FADS3: variants seen among roughly 807,000 people sequenced by gnomAD.
FADS3 encodes fatty acid desaturase 3, also known as cytochrome b5-related protein.
In FADS3, 30 loss-of-function variants were observed where a neutral mutation model predicts 60.4. That is an observed-to-expected ratio of 0.50 (90% CI 0.37 to 0.67). FADS3 has a LOEUF of 0.67. Ranked by LOEUF, FADS3 falls within the 30% of genes least tolerant of loss-of-function variation. The pLI is 0.00. For synonymous variants in FADS3, 234 were observed against 249.3 expected (o/e 0.94, Z 0.58); for missense variants, 432 against 598.3 (o/e 0.72, Z 2.90).
In FADS3 at chr11:61,877,855, T is replaced by C; in HGVS notation, c.809-268A>G. 1.7e-6 allele frequency: 1 copy of C among 593,410 alleles called. No individual in the cohort carries two copies. Among genetic ancestry groups the C allele is most frequent in the Non-Finnish European group, 3.0e-6 (1 of 332,352 alleles). The allele number at this position is 593,410 out of a possible 1,614,324, so 36.8% of individuals were successfully genotyped here. A position where few individuals can be genotyped will look rare whatever the true frequency, so the allele number is the denominator to read the frequency against. ...CGCCCCAACAACTGCCCAAAGACTCTAGGGCTCCGGACCACTCTAGTGAGG... is the reference window on the plus strand; with the variant it reads ...CGCCCCAACAACTGCCCAAAGACTCCAGGGCTCCGGACCACTCTAGTGAGG... On this transcript the variant is annotated intron_variant, in intron 6 of 11. Transcript: ENST00000278829. The surrounding 1 kb of genome is among the most constrained non-coding windows in gnomAD (Gnocchi z 4.7).
At chr11:61,875,475 C>T (rs1410622288) in intron 11 of FADS3, among the ~76,000 whole-genome samples, 1 of 151,188 alleles carries the variant, frequency 6.6e-6, no homozygotes, top group Non-Finnish European at 1.5e-5. Context: ...TCAAGTGATC[C>T]GCCCACCTCA....
At chr11:61,881,592 A>T (rs1008217297) in intron 1 of FADS3, 1 of 152,226 alleles carries the variant, frequency 6.6e-6, no homozygotes, top group African/African-American at 2.4e-5. Flanking sequence ...ACACCTTTGA[A>T]GAAAGCTGAC....
rs547489238 is a variant in FADS3 at position 61,891,534 on chromosome 11, G to A, written c.-153C>T. 4.1e-5 allele frequency: 17 copies of A among 413,472 alleles called. No homozygotes were observed. Among genetic ancestry groups the A allele is most frequent in the South Asian group, 1.1e-4 (1 of 8,728 alleles). The allele number at this position is 413,472 out of a possible 1,614,324, so 25.6% of individuals were successfully genotyped here. A position where few individuals can be genotyped will look rare whatever the true frequency, so the allele number is the denominator to read the frequency against. On this transcript the variant is annotated 5_prime_UTR_variant, in exon 1 of 12. Transcript: ENST00000278829. ...GCGGCCGCCGTACGAGCGAGCGTGC[G>A]CCTCCCGGCTCGCGGCGCAGGGAAC...
At chr11:61,884,731 G>C (rs6591667) in intron 1 of FADS3, among the ~76,000 whole-genome samples, 147,099 of 152,248 alleles carry the variant, frequency 0.97, 71,272 homozygotes, top group East Asian at 1. Context: ...CCACCCAGGG[G>C]TACGTGCACA....
intron 1 of FADS3, among the ~76,000 whole-genome samples, chr11:61,883,969 T>A (rs1938224200): frequency 6.6e-6 from 1 of 152,168 alleles, no homozygotes; most frequent in Non-Finnish European, 1.5e-5. Context: ...CAGGCTGGGC[T>A]CTCAGAGCTG....
chr11:61,879,175 A>C (rs1050342341), intron 3 of FADS3, 137 bp downstream of exon 3: 4 of 819,020 alleles, frequency 4.9e-6, no homozygotes, highest in Non-Finnish European at 7.7e-6. Context: ...CTGTTCACTC[A>C]TTCATCTGTT....
In FADS3 at chr11:61,875,852, T is replaced by C; in HGVS notation, c.1285A>G (p.Arg429Gly). 7 of 1,612,232 alleles carry C rather than the reference T, an allele frequency of 4.3e-6. No homozygotes were observed. In the South Asian group the frequency reaches 6.6e-5, roughly 15 times the overall value. ...AGAGGGGCCGGGCTGCAGCCTCACC[T>C]GACGATGTCCACCAGCGCGGTGAGG... ...PFLTALVDIVRSLKKSGDIWL... is the reference protein window; with the variant it reads ...PFLTALVDIVGSLKKSGDIWL... The change falls in exon 11 of 12, where the codon AGG (arginine) becomes GGG (glycine). Residue 429 changes from arginine (R) to glycine (G), a missense_variant and splice_region_variant. By Grantham distance (125) the Arg-to-Gly change is moderately radical. Around this residue, in one of 5 missense-constraint regions of FADS3, gnomAD observed 63 missense variants for 64.5 expected, o/e 0.98. Coordinates refer to ENST00000278829, the MANE Select transcript of FADS3 (RefSeq NM_021727.5).
chr11:61,875,585 A>G (rs939418853), intron 11 of FADS3, among the ~76,000 whole-genome samples: 1 of 151,988 alleles, frequency 6.6e-6, no homozygotes, highest in African/African-American at 2.4e-5. Flanking sequence ...CTTCTGAGAA[A>G]CTGGATCTGT....
chr11:61,886,541 C>T (rs1938324920), intron 1 of FADS3, among the ~76,000 whole-genome samples: 1 of 152,014 alleles, frequency 6.6e-6, no homozygotes, highest in Non-Finnish European at 1.5e-5. Context: ...TCTGGAGCCA[C>T]CCCCCAACCA....
At chr11:61,890,379 C>T (rs1938461326) in intron 1 of FADS3, 4 of 152,306 alleles carry the variant, frequency 2.6e-5, no homozygotes, top group Non-Finnish European at 4.4e-5. Context: ...TCTTGAAGAC[C>T]TTCCTGATAC....
chr11:61,874,890 T>C (rs1937811844), intron 11 of FADS3, among the ~76,000 whole-genome samples: 1 of 152,074 alleles, frequency 6.6e-6, no homozygotes, highest in Non-Finnish European at 1.5e-5. Flanking sequence ...AATGTACTTA[T>C]TTGTTATTTT....
intron 1 of FADS3, 199 bp from the exon 2 acceptor site, chr11:61,880,350 C>A (rs1938084474): frequency 4.2e-6 from 2 of 481,704 alleles, no homozygotes. Flanking sequence ...CTGCTTTTCA[C>A]CCATTGCCTG....
At position 61,876,525 on chromosome 11, in the gene FADS3, G is replaced by T; in HGVS notation, c.984-70C>A. The T allele has an allele frequency of 7.8e-7, 1 of 1,281,428 alleles. No individual in the cohort carries two copies. The highest frequency in any genetic ancestry group is 2.3e-5 in the East Asian group (1 of 43,186). 79.4% of individuals were successfully genotyped at this position (1,281,428 alleles called of 1,614,324 possible). A position where few individuals can be genotyped will look rare whatever the true frequency, so the allele number is the denominator to read the frequency against. ...AGGCACCCTGAGTGGAGGCTGGAGA[G>T]CAGCTGTCCCCAAGTGGCCTTGACT... On this transcript the variant is annotated intron_variant, in intron 8 of 11. Transcript: ENST00000278829. This position sits in a 1 kb window ranked among gnomAD's most constrained non-coding sequence, Gnocchi z 5.7.
intron 1 of FADS3, chr11:61,882,098 G>GTTTTT (rs10585384): frequency 2.1e-4 from 8 of 37,980 alleles, no homozygotes; most frequent in African/African-American, 6.1e-4. Flanking sequence ...CCCACTGGGT[G>GTTTTT]TTTTTTTTTT....
Position 61,873,935 on chromosome 11 carries a change from C to A in FADS3, c.1287-70G>T, listed in dbSNP as rs137943385. 7.9e-4 allele frequency: 799 copies of A among 1,014,010 alleles called. 12 individuals carry two copies. The East Asian group carries it at 0.017, about 22-fold the overall frequency. 62.8% of individuals were successfully genotyped at this position (1,014,010 alleles called of 1,614,324 possible). On this transcript the variant is annotated intron_variant, in intron 11 of 11. Transcript: ENST00000278829. ...TTGCAAGATCCTAACACCCCTGTAT[C>A]CCCCATGGTAAGTGTGAGCGGAGAT...
intron 1 of FADS3, chr11:61,880,354 T>C (rs1483105860): frequency 6.4e-6 from 3 of 466,356 alleles, no homozygotes; most frequent in Non-Finnish European, 1.2e-5. Flanking sequence ...TTTTCACCCA[T>C]TGCCTGCTGT....
intron 5 of FADS3, 25 bp downstream of exon 5, chr11:61,878,487 G>GT (rs1315215986): frequency 6.2e-7 from 1 of 1,610,092 alleles, no homozygotes; most frequent in South Asian, 1.1e-5. Flanking sequence ...CCAGCCAGAG[G>GT]TTGTCCACGT....
intron 1 of FADS3, among the ~76,000 whole-genome samples, chr11:61,885,132 AC>A (rs1204479111): frequency 1.3e-5 from 2 of 152,146 alleles, no homozygotes; most frequent in Admixed American, 6.5e-5. Flanking sequence ...GGATACAGAG[AC>A]AGCTCAGCCT....
intron 1 of FADS3, among the ~76,000 whole-genome samples, chr11:61,885,539 G>A (rs1417462739): frequency 6.6e-6 from 1 of 152,208 alleles, no homozygotes; most frequent in African/African-American, 2.4e-5. Flanking sequence ...GGGCCTACAG[G>A]TGTCAGGGAA....
Sources: allele counts gnomAD v4.1 joint callset (sites outside exome capture counted in the v4.1 genomes callset), GRCh38; gene constraint gnomAD v4.1.1; regional missense constraint gnomAD v4.1.1; non-coding constraint Gnocchi (gnomAD v3.1); transcripts MANE v1.5; gene names NCBI Gene and HGNC (gene_info 2026-07-23, HGNC 2026-07-21).